The following GRIK1 variants were observed in gnomAD, a reference collection of about 807,000 sequenced individuals.
GRIK1 encodes the protein glutamate ionotropic receptor kainate type subunit 1, also known as glutamate receptor ionotropic, kainate 1.
In GRIK1, 69 loss-of-function variants were observed where a neutral mutation model predicts 105.7. The ratio of observed to expected loss-of-function variants is 0.65; its 90% CI spans 0.54 to 0.80. The LOEUF (loss-of-function observed/expected upper bound fraction) is 0.80, where lower values mean the gene tolerates loss of function less well. Ranked by LOEUF, GRIK1 falls within the 30% of genes least tolerant of loss-of-function variation. The probability of loss-of-function intolerance (pLI) is 0.00; values close to 1 mark genes in which losing one functional copy is unlikely to be tolerated. For synonymous variants in GRIK1, 438 were observed against 431.3 expected (o/e 1.02, Z -0.19); for missense variants, 1,109 against 1,167.3 (o/e 0.95, Z 0.73).
intron 1 of GRIK1, among the ~76,000 whole-genome samples, chr21:29,733,271 G>A (rs2064687245): frequency 6.6e-6 from 1 of 152,016 alleles, no homozygotes; most frequent in Non-Finnish European, 1.5e-5. Flanking sequence ...AAAACTCTAT[G>A]TGTGTTTATA....
At chr21:29,587,059 T>A (rs2091144631) in intron 12 of GRIK1, among the ~76,000 whole-genome samples, 1 of 152,172 alleles carries the variant, frequency 6.6e-6, no homozygotes, top group African/African-American at 2.4e-5. Flanking sequence ...ATTTTACACA[T>A]CATTTGAGCC....
intron 1 of GRIK1, among the ~76,000 whole-genome samples, chr21:29,776,167 C>T (rs992969486): frequency 6.6e-6 from 1 of 152,194 alleles, no homozygotes. Context: ...TTACCTCCCA[C>T]GAGGTCCCTC....
chr21:29,541,245 C>T (rs1201075729), intron 16 of GRIK1, among the ~76,000 whole-genome samples: 2 of 152,168 alleles, frequency 1.3e-5, no homozygotes, highest in South Asian at 2.1e-4. Flanking sequence ...GGATTACAGG[C>T]GTAAGCCACC....
rs375690541 is a variant in GRIK1, at chr21:29,767,807, T to C, written c.119-73744A>G. 3.0e-3 allele frequency among the ~76,000 whole-genome samples: 458 copies of C among 152,038 alleles called. 1 individual carries two copies. Among genetic ancestry groups the C allele is most frequent in the African/African-American group, 0.011 (439 of 41,362 alleles). ...TTAATTTCTCCTCAGCTGAAATTTGTATGTATGTGTGTGTGTGTGTGTGTT... is the reference window on the plus strand; with the variant it reads ...TTAATTTCTCCTCAGCTGAAATTTGCATGTATGTGTGTGTGTGTGTGTGTT... On this transcript the variant is annotated intron_variant, in intron 1 of 17. Coordinates refer to ENST00000327783, the MANE Select transcript of GRIK1 (RefSeq NM_001330994.2).
intron 1 of GRIK1, among the ~76,000 whole-genome samples, chr21:29,740,884 G>A (rs1193350820): frequency 6.6e-6 from 1 of 152,188 alleles, no homozygotes; most frequent in Non-Finnish European, 1.5e-5. Context: ...GGAGGGAAGG[G>A]CAATTCACCA....
intron 1 of GRIK1, among the ~76,000 whole-genome samples, chr21:29,797,215 T>C (rs2066583483): frequency 2.0e-5 from 3 of 152,190 alleles, no homozygotes. Context: ...TTCTTAAGCC[T>C]GTGTGAAAAA....
In GRIK1 at chr21:29,691,855, A is replaced by G. The variant is rs556181908; in HGVS notation, c.287-1870T>C. Among the ~76,000 whole-genome samples the G allele has an allele frequency of 7.2e-4, 110 of 152,336 alleles. 2 individuals are homozygous for G. The highest frequency in any genetic ancestry group is 2.3e-3 in the African/African-American group (95 of 41,580). ...AGGAACAGCAAATGTTTACAAGAAA[A>G]ACTTTCTGCTACTCTGCTCTTTGGT... On this transcript the variant is annotated intron_variant, in intron 2 of 17. Coordinates refer to ENST00000327783, the MANE Select transcript of GRIK1 (RefSeq NM_001330994.2).
intron 2 of GRIK1, among the ~76,000 whole-genome samples, chr21:29,691,791 T>A (rs1025406240): frequency 1.3e-5 from 2 of 152,220 alleles, no homozygotes; most frequent in Non-Finnish European, 2.9e-5. Context: ...TCAGACAGAA[T>A]AACTGATACA....
At chr21:29,748,907 A>G (rs527287052) in intron 1 of GRIK1, 1 of 152,220 alleles carries the variant, frequency 6.6e-6, no homozygotes, top group Non-Finnish European at 1.5e-5. Flanking sequence ...AGCGAACAAG[A>G]GCCTTCTGAT....
intron 7 of GRIK1, among the ~76,000 whole-genome samples, chr21:29,636,360 C>A (rs1388409831): frequency 6.6e-6 from 1 of 152,194 alleles, no homozygotes; most frequent in Non-Finnish European, 1.5e-5. Context: ...TTGCCCAGAT[C>A]ATTCTACTGA....
At chr21:29,774,082 G>A (rs993892913) in intron 1 of GRIK1, among the ~76,000 whole-genome samples, 4 of 152,012 alleles carry the variant, frequency 2.6e-5, no homozygotes, top group African/African-American at 9.7e-5. Flanking sequence ...AGCTCTACTG[G>A]CAAGGCATTC....
intron 1 of GRIK1, among the ~76,000 whole-genome samples, chr21:29,820,446 T>C (rs1200044993): frequency 6.6e-6 from 1 of 152,092 alleles, no homozygotes; most frequent in East Asian, 1.9e-4. Flanking sequence ...GGAAATTATA[T>C]TTAGAATTCT....
At chr21:29,722,415 G>A (rs2064344849) in intron 1 of GRIK1, among the ~76,000 whole-genome samples, 1 of 152,022 alleles carries the variant, frequency 6.6e-6, no homozygotes, top group Admixed American at 6.6e-5. Flanking sequence ...AATTAGCCAG[G>A]TGTGGTGGTG....
At position 29,889,321 on chromosome 21, in the gene GRIK1, G is replaced by A. The variant is rs116151124; in HGVS notation, c.118+50062C>T. Among the ~76,000 whole-genome samples the A allele has an allele frequency of 7.3e-3, 1,110 of 152,184 alleles. 18 individuals are homozygous for A. The highest frequency in any genetic ancestry group is 0.025 in the African/African-American group (1,049 of 41,554). Reference sequence around the variant, plus strand: ...CATAAAAAAGGTGGAGAACATATTTGTCCTTCTTTCCATTCTCCGAGTTCT... The same window carrying A: ...CATAAAAAAGGTGGAGAACATATTTATCCTTCTTTCCATTCTCCGAGTTCT... On this transcript the variant is annotated intron_variant, in intron 1 of 17. Transcript: ENST00000327783.
intron 1 of GRIK1, among the ~76,000 whole-genome samples, chr21:29,777,137 G>A (rs78101559): frequency 6.6e-6 from 1 of 152,108 alleles, no homozygotes; most frequent in Admixed American, 6.6e-5. Context: ...CAAAATCTCT[G>A]GAGATTAATA....
intron 1 of GRIK1, among the ~76,000 whole-genome samples, chr21:29,917,092 C>T (rs376879320): frequency 1.3e-5 from 2 of 151,948 alleles, no homozygotes; most frequent in African/African-American, 2.4e-5. Context: ...TAAGACATTT[C>T]GTTTTCAGTA....
At chr21:29,791,561 G>A (rs2066418452) in intron 1 of GRIK1, among the ~76,000 whole-genome samples, 1 of 152,192 alleles carries the variant, frequency 6.6e-6, no homozygotes. Flanking sequence ...GCCTGAAATA[G>A]TCCACGCATG....
chr21:29,632,528 C>T (rs961589445), intron 7 of GRIK1, among the ~76,000 whole-genome samples: 20 of 138,934 alleles, frequency 1.4e-4, no homozygotes, highest in Admixed American at 3.6e-4. Context: ...CACACACACA[C>T]ACACACACGG....
chr21:29,825,003 T>C (rs992007200), intron 1 of GRIK1, among the ~76,000 whole-genome samples: 2 of 152,050 alleles, frequency 1.3e-5, no homozygotes, highest in African/African-American at 4.8e-5. Context: ...GAAATTAATA[T>C]ATCCAATTAT....
Sources: allele counts gnomAD v4.1 joint callset (sites outside exome capture counted in the v4.1 genomes callset), GRCh38; gene constraint gnomAD v4.1.1; transcripts MANE v1.5; gene names NCBI Gene and HGNC (gene_info 2026-07-23, HGNC 2026-07-21).